Variants in EVPL observed in about 807,000 individuals in gnomAD.
EVPL encodes the protein envoplakin, also known as 210 kDa cornified envelope precursor protein.
EVPL carries 94 observed loss-of-function variants against 129.7 expected under a neutral mutation model. The ratio of observed to expected loss-of-function variants is 0.72; its 90% confidence interval spans 0.61 to 0.86. The LOEUF is 0.86. Ranked by LOEUF, EVPL falls within the 40% of genes least tolerant of loss-of-function variation. EVPL has a pLI of 0.00. For synonymous variants in EVPL, 1,172 were observed against 1,191.1 expected (o/e 0.98, Z 0.33); for missense variants, 2,625 against 2,721.1 (o/e 0.96, Z 0.79).
chr17:76,018,529 G>A lies in EVPL; in HGVS notation c.1356C>T (p.Gly452=). 1 of 1,612,784 alleles carries A rather than the reference G, an allele frequency of 6.2e-7. No homozygotes were observed. Among genetic ancestry groups the A allele is most frequent in the East Asian group, 2.2e-5 (1 of 44,870 alleles). The part of the protein sequence containing the change: ...NTDPHAWVVQ[G]PGGETKRAPA... ...GAGCACGCTTGGTCTCCCCGCCAGG[G>A]CCCTGCACGACCCAGGCGTGCGGGT... The change falls in exon 12 of 22, where the codon GGC becomes GGT. Residue 452 remains glycine, a synonymous_variant. Coordinates refer to ENST00000301607, the MANE Select transcript of EVPL (RefSeq NM_001988.4).
In EVPL at chr17:76,014,480, C is replaced by T; in HGVS notation, c.2319G>A (p.Gln773=). The T allele has an allele frequency of 6.2e-7, 1 of 1,612,028 alleles. No homozygotes were observed. Among genetic ancestry groups the T allele is most frequent in the Non-Finnish European group, 8.5e-7 (1 of 1,179,504 alleles). ...GGCTGGGGCCGTCGCTGGGCCGCAC[C>T]TGGCTGCGGGGCAGGTGCTCCAGCC... The part of the protein sequence containing the change: ...SSWLEHLPRS[Q]VRPSDGPSQI... The change falls in exon 18 of 22, where the codon CAG becomes CAA. Residue 773 remains glutamine, a synonymous_variant. Coordinates refer to ENST00000301607, the MANE Select transcript of EVPL (RefSeq NM_001988.4).
intron 19 of EVPL, 27 bp downstream of exon 19, chr17:76,011,979 G>T: frequency 6.2e-7 from 1 of 1,607,928 alleles, no homozygotes; most frequent in Non-Finnish European, 8.5e-7. Flanking sequence ...TGCATGGAGA[G>T]GGGCAAGCTG....
chr17:76,018,144 C>G lies in EVPL; in HGVS notation c.1537+17G>C. ...TTCTAGCCCCACAGCCACCTCTCCC[C>G]GGGCCACCCTGGGTACCCTGCTGGC... On this transcript the variant is annotated intron_variant, in intron 13 of 21. Transcript: ENST00000301607. The G allele has an allele frequency of 6.4e-7, 1 of 1,550,852 alleles. No homozygotes were observed. Among genetic ancestry groups the G allele is most frequent in the South Asian group, 1.2e-5 (1 of 84,056 alleles).
In EVPL at chr17:76,009,418, T is replaced by C. The variant is rs754663509; in HGVS notation, c.3787A>G (p.Ser1263Gly). The C allele has an allele frequency of 1.9e-6, 3 of 1,613,638 alleles. No individual in the cohort carries two copies. The highest frequency in any genetic ancestry group is 2.5e-6 in the Non-Finnish European group (3 of 1,179,872). The part of the protein sequence containing the change: ...VTQEVVRHER[S>G]PEVLREIDRL... Reference sequence around the variant, plus strand: ...TCGATCTCACGCAGCACCTCGGGGCTCCTCTCATGCCTCACCACCTCCTGG... The same window carrying C: ...TCGATCTCACGCAGCACCTCGGGGCCCCTCTCATGCCTCACCACCTCCTGG... Residue 1263 changes from serine to glycine, a missense_variant, in exon 22 of 22, where the codon AGC becomes GGC. By Grantham distance (56) the Ser-to-Gly change is moderately conservative. Around this residue, in one of 4 missense-constraint regions of EVPL, gnomAD observed 1,453 missense variants for 1,511.8 expected, o/e 0.96. Transcript: ENST00000301607. This position sits in a 1 kb window ranked among gnomAD's most constrained non-coding sequence, Gnocchi z 5.9.
chr17:76,020,696 T>TTTTA (rs201638787), intron 9 of EVPL, among the ~76,000 whole-genome samples: 5 of 151,594 alleles, frequency 3.3e-5, no homozygotes, highest in African/African-American at 9.7e-5. Context: ...CCCCATAAAA[T>TTTTA]TTTATTTATT....
At chr17:76,012,831 G>A (rs1422995309) in intron 18 of EVPL, among the ~76,000 whole-genome samples, 1 of 145,190 alleles carries the variant, frequency 6.9e-6, no homozygotes, top group African/African-American at 2.6e-5. Context: ...TGCAAGCTCC[G>A]CCTCCTGGAT....
rs539188553 is a variant in EVPL, at chr17:76,023,581, T to G, written c.272A>C (p.Glu91Ala). 22 of 1,612,610 alleles carry G rather than the reference T, an allele frequency of 1.4e-5. No individual in the cohort carries two copies. The South Asian group carries it at 2.2e-4, about 16-fold the overall frequency. Residue 91 changes from glutamate (E) to alanine (A), a missense_variant, in exon 3 of 22, where the codon GAG becomes GCG. Physicochemically the swap from Glu to Ala is moderately radical, Grantham distance 107. Around this residue, in one of 4 missense-constraint regions of EVPL, gnomAD observed 139 missense variants for 186.8 expected, o/e 0.74. Coordinates refer to ENST00000301607, the MANE Select transcript of EVPL (RefSeq NM_001988.4). The part of the protein sequence containing the change: ...QETGRSLKEA[E>A]VLLKDLFLDV... The stretch of plus-strand genomic sequence containing the variant: ...CAGGAAGAGGTCCTTGAGCAGCACC[T>G]CAGCCTCCTTCAGGCTGCGGCCCGT...
chr17:76,008,563 T>C lies in EVPL; in HGVS notation c.4642A>G (p.Thr1548Ala), dbSNP rs2066343965. ...RVWEMLNRERTARQAREEEAR... is the reference protein window; with the variant it reads ...RVWEMLNRERAARQAREEEAR... ...TCCTCCTCCCGGGCCTGCCGGGCCG[T>C]GCGCTCCCTGTTGAGCATCTCCCAC... The change falls in exon 22 of 22, where the codon ACG (threonine) becomes GCG (alanine). Residue 1548 changes from threonine (T) to alanine (A), a missense_variant. Around this residue, in one of 4 missense-constraint regions of EVPL, gnomAD observed 1,453 missense variants for 1,511.8 expected, o/e 0.96. Coordinates refer to ENST00000301607, the MANE Select transcript of EVPL (RefSeq NM_001988.4). The surrounding 1 kb of genome is among the most constrained non-coding windows in gnomAD (Gnocchi z 7.4). The C allele has an allele frequency of 1.2e-6, 2 of 1,609,716 alleles. No individual in the cohort carries two copies. Among genetic ancestry groups the C allele is most frequent in the East Asian group, 4.5e-5 (2 of 44,866 alleles).
chr17:76,007,501 C>T lies in EVPL; in HGVS notation c.5704G>A (p.Ala1902Thr). 1 of 1,613,672 alleles carries T rather than the reference C, an allele frequency of 6.2e-7. No individual in the cohort carries two copies. The highest frequency in any genetic ancestry group is 1.7e-4 in the Middle Eastern group (1 of 6,060). Residue 1902 changes from alanine to threonine, a missense_variant, in exon 22 of 22, where the codon GCC becomes ACC. Coordinates refer to ENST00000301607, the MANE Select transcript of EVPL (RefSeq NM_001988.4). This position sits in a 1 kb window ranked among gnomAD's most constrained non-coding sequence, Gnocchi z 8.8. Reference sequence around the variant, plus strand: ...ACGGGGTCCTCGATGCCGGTGAAGGCCTTCTGGGCGTTAAGCAGCCTCTGT... The same window carrying T: ...ACGGGGTCCTCGATGCCGGTGAAGGTCTTCTGGGCGTTAAGCAGCCTCTGT... ...STQRLLNAQK[A>T]FTGIEDPVTK...
rs139547347 is a variant in EVPL at position 76,017,232 on chromosome 17, G to T, written c.1710+507C>A. On this transcript the variant is annotated intron_variant, in intron 14 of 21. Coordinates refer to ENST00000301607, the MANE Select transcript of EVPL (RefSeq NM_001988.4). The stretch of plus-strand genomic sequence containing the variant: ...TGTCTCAAGAAAAGAAAAGAAACTG[G>T]TTTGGAAGGATAACCCAGACTGCGG... 3.5e-4 allele frequency among the ~76,000 whole-genome samples: 54 copies of T among 152,256 alleles called. No individual in the cohort carries two copies. In the East Asian group the frequency reaches 4.3e-3, roughly 12 times the overall value.
At position 76,008,264 on chromosome 17, in the gene EVPL, G is replaced by T. The variant is rs112552792; in HGVS notation, c.4941C>A (p.Arg1647=). The T allele has an allele frequency of 3.8e-4, 611 of 1,612,612 alleles. 2 individuals carry two copies. Among genetic ancestry groups the T allele is most frequent in the African/African-American group, 3.0e-3 (227 of 75,038 alleles). ...ELSRLEAAIL[R]EKDQIYEKER... The stretch of plus-strand genomic sequence containing the variant: ...CCTTCTCGTAGATCTGGTCCTTCTC[G>T]CGGAGGATGGCCGCCTCCAGCCGCG... Residue 1647 remains arginine (R), a synonymous_variant, in exon 22 of 22, where the codon CGC becomes CGA. Coordinates refer to ENST00000301607, the MANE Select transcript of EVPL (RefSeq NM_001988.4). The surrounding 1 kb of genome is among the most constrained non-coding windows in gnomAD (Gnocchi z 7.4).
rs899522003 is a variant in EVPL, at chr17:76,010,488, C to T, written c.2717G>A (p.Ser906Asn). The T allele has an allele frequency of 3.7e-6, 6 of 1,613,892 alleles. No individual in the cohort carries two copies. Among genetic ancestry groups the T allele is most frequent in the Non-Finnish European group, 5.1e-6 (6 of 1,179,906 alleles). The change falls in exon 22 of 22, where the codon AGC becomes AAC. Residue 906 changes from serine to asparagine, a missense_variant. Transcript: ENST00000301607. Reference protein sequence around the residue: ...RTHDAKQGSESPAQAGRESEA... With the variant: ...RTHDAKQGSENPAQAGRESEA... Reference sequence around the variant, plus strand: ...TGACTCTCTCCCTGCTTGGGCAGGGCTCTCGGAGCCCTGCTTTGCATCATG... The same window carrying T: ...TGACTCTCTCCCTGCTTGGGCAGGGTTCTCGGAGCCCTGCTTTGCATCATG...
chr17:76,021,444 C>CCTGCCGCCT (rs1369154097), intron 9 of EVPL, 24 bp downstream of exon 9: 2 of 1,577,532 alleles, frequency 1.3e-6, no homozygotes, highest in Admixed American at 1.8e-5. Context: ...CCCTGCCGCC[C>CCTGCCGCCT]CTGCCGCCTG....
chr17:76,008,252 C>G lies in EVPL; in HGVS notation c.4953G>C (p.Gln1651His), dbSNP rs1210400127. ...LEAAILREKDQIYEKERTLRD... is the reference protein window; with the variant it reads ...LEAAILREKDHIYEKERTLRD... The stretch of plus-strand genomic sequence containing the variant: ...GGAGCGTCCGCTCCTTCTCGTAGAT[C>G]TGGTCCTTCTCGCGGAGGATGGCCG... The change falls in exon 22 of 22, where the codon CAG (glutamine) becomes CAC (histidine). Residue 1651 changes from glutamine to histidine, a missense_variant. Physicochemically the swap from Gln to His is conservative, Grantham distance 24. This residue lies in a region of EVPL where 1,453 missense variants were observed against 1,511.8 expected (regional missense o/e 0.96). Transcript: ENST00000301607. The surrounding 1 kb of genome is among the most constrained non-coding windows in gnomAD (Gnocchi z 7.4). The G allele has an allele frequency of 4.3e-6, 7 of 1,613,520 alleles. No individual in the cohort carries two copies. The highest frequency in any genetic ancestry group is 5.9e-6 in the Non-Finnish European group (7 of 1,180,012).
At position 76,010,394 on chromosome 17, in the gene EVPL, C is replaced by T. The variant is rs773361204; in HGVS notation, c.2811G>A (p.Ala937=). The T allele has an allele frequency of 5.3e-5, 85 of 1,613,884 alleles. No homozygotes were observed. The highest frequency in any genetic ancestry group is 8.8e-5 in the South Asian group (8 of 91,080). The part of the protein sequence containing the change: ...RVARVQHELE[A]QRSQLLQLRT... ...TCAGCTGCAGCAGTTGGCTCCTCTG[C>T]GCCTCCAGCTCATGCTGCACCCGGG... Residue 937 remains alanine, a synonymous_variant, in exon 22 of 22, where the codon GCG becomes GCA. Transcript: ENST00000301607.
rs139325619 is a variant in EVPL at position 76,010,222 on chromosome 17, C to A, written c.2983G>T (p.Val995Leu). ...RRAGLQADLE[V>L]AAQKVVQLES... Reference sequence around the variant, plus strand: ...AGCTGCACGACCTTCTGGGCTGCCACTTCCAGGTCTGCCTGCAGGCCAGCC... The same window carrying A: ...AGCTGCACGACCTTCTGGGCTGCCAATTCCAGGTCTGCCTGCAGGCCAGCC... Residue 995 changes from valine to leucine, a missense_variant, in exon 22 of 22, where the codon GTG becomes TTG. Val to Leu is a conservative substitution (Grantham distance 32). This residue lies in a region of EVPL where 1,453 missense variants were observed against 1,511.8 expected (regional missense o/e 0.96). Transcript: ENST00000301607. 4.8e-5 allele frequency: 77 copies of A among 1,613,962 alleles called. No homozygotes were observed. Among genetic ancestry groups the A allele is most frequent in the African/African-American group, 4.7e-4 (35 of 75,060 alleles).
At chr17:76,021,028 T>A (rs2066453359) in intron 9 of EVPL, among the ~76,000 whole-genome samples, 1 of 152,166 alleles carries the variant, frequency 6.6e-6, no homozygotes, top group South Asian at 2.1e-4. Flanking sequence ...TTTCTTTCCC[T>A]CTGGGACCGA....
At chr17:76,011,547 TG>T in intron 21 of EVPL, 28 bp downstream of exon 21, 1 of 1,589,722 alleles carries the variant, frequency 6.3e-7, no homozygotes, top group Non-Finnish European at 8.6e-7. Flanking sequence ...CTGGCTATTG[TG>T]GGAAAGCTGT....
intron 21 of EVPL, among the ~76,000 whole-genome samples, chr17:76,011,169 G>C (rs939702821): frequency 7.2e-5 from 11 of 152,262 alleles, no homozygotes; most frequent in African/African-American, 2.4e-4. Flanking sequence ...TGTGGCCGAG[G>C]GTAACAGAAA....
Sources: gnomAD v4.1 joint callset for allele counts (sites outside exome capture counted in the v4.1 genomes callset) on GRCh38, gnomAD v4.1.1 for gene constraint, gnomAD v4.1.1 regional missense constraint, Gnocchi (gnomAD v3.1) non-coding constraint, MANE v1.5 for transcripts, NCBI Gene and HGNC (gene_info 2026-07-23, HGNC 2026-07-21) for gene names.